The following MLLT3 variants were observed in gnomAD, a reference collection of about 807,000 sequenced individuals.
The protein encoded by MLLT3 is MLLT3 super elongation complex subunit, also known as protein AF-9.
MLLT3 carries 4 observed loss-of-function variants against 53.2 expected under a neutral mutation model. That is an observed-to-expected ratio of 0.08 (90% CI 0.04 to 0.17). The LOEUF (loss-of-function observed/expected upper bound fraction) is 0.17. Ranked by LOEUF, MLLT3 falls within the 10% of genes least tolerant of loss-of-function variation. The pLI, the probability that MLLT3 is intolerant of heterozygous loss-of-function variation, is 1.00. For synonymous variants in MLLT3, 283 were observed against 230.6 expected (o/e 1.23, Z -2.06); for missense variants, 569 against 684.0 (o/e 0.83, Z 1.87).
chr9:20,353,388 C>T, intron 10 of MLLT3, 137 bp downstream of exon 10: 1 of 733,522 alleles, frequency 1.4e-6, no homozygotes, highest in Non-Finnish European at 2.4e-6. Context: ...GAACCTTTCC[C>T]AAATACATCT....
intron 2 of MLLT3, among the ~76,000 whole-genome samples, chr9:20,476,056 G>GT (rs200799299): frequency 1.9e-3 from 285 of 151,582 alleles, no homozygotes; most frequent in Non-Finnish European, 3.4e-3. Flanking sequence ...TTAATGCGCT[G>GT]TTTTTTTTGT....
chr9:20,584,339 TC>T (rs1426154274), intron 2 of MLLT3, among the ~76,000 whole-genome samples: 3 of 152,200 alleles, frequency 2.0e-5, no homozygotes, highest in Admixed American at 2.0e-4. Context: ...TTTCCTATCT[TC>T]TTCTGAGCTC....
chr9:20,378,413 C>T (rs934231669), intron 5 of MLLT3, among the ~76,000 whole-genome samples: 25 of 152,110 alleles, frequency 1.6e-4, no homozygotes, highest in African/African-American at 5.3e-4. Context: ...AGATTTTTGT[C>T]ATTTTACAGT....
intron 2 of MLLT3, among the ~76,000 whole-genome samples, chr9:20,491,294 T>C (rs751083403): frequency 2.6e-5 from 4 of 152,090 alleles, no homozygotes; most frequent in Non-Finnish European, 5.9e-5. Flanking sequence ...TATGGTATTA[T>C]ATGAAGAAAA....
chr9:20,576,340 T>C (rs538222615), intron 2 of MLLT3, among the ~76,000 whole-genome samples: 15 of 152,324 alleles, frequency 9.8e-5, no homozygotes, highest in Admixed American at 2.0e-4. Context: ...ATGTGTTCAT[T>C]GGAGTAGCTC....
intron 5 of MLLT3, among the ~76,000 whole-genome samples, chr9:20,378,415 T>C (rs1345719306): frequency 2.0e-5 from 3 of 152,064 alleles, no homozygotes; most frequent in Admixed American, 1.3e-4. Flanking sequence ...ATTTTTGTCA[T>C]TTTACAGTAT....
At chr9:20,507,706 C>G (rs1825416239) in intron 2 of MLLT3, among the ~76,000 whole-genome samples, 1 of 123,510 alleles carries the variant, frequency 8.1e-6, no homozygotes, top group South Asian at 2.7e-4. Flanking sequence ...GAAAATTAAC[C>G]AATCACAAAA....
Position 20,384,591 on chromosome 9 carries a change from A to G in MLLT3, c.1126-18847T>C, listed in dbSNP as rs149301494. On this transcript the variant is annotated intron_variant, in intron 5 of 10. Coordinates refer to ENST00000380338, the MANE Select transcript of MLLT3 (RefSeq NM_004529.4). ...TCATTAAAATTTAATATAATCTAAC[A>G]CAATTATCATCAATGGGATGCAGGT... Among the ~76,000 whole-genome samples, 309 of 152,174 alleles carry G rather than the reference A, an allele frequency of 2.0e-3. 1 individual carries two copies. Among genetic ancestry groups the G allele is most frequent in the Non-Finnish European group, 3.5e-3 (237 of 67,958 alleles).
chr9:20,589,080 A>G (rs1820056020), intron 2 of MLLT3, among the ~76,000 whole-genome samples: 1 of 150,754 alleles, frequency 6.6e-6, no homozygotes, highest in African/African-American at 2.4e-5. Context: ...CCATCCCATT[A>G]CTGGGTATAT....
chr9:20,579,562 T>TG (rs1819737693), intron 2 of MLLT3, among the ~76,000 whole-genome samples: 2 of 152,158 alleles, frequency 1.3e-5, no homozygotes, highest in South Asian at 4.1e-4. Flanking sequence ...TTCACAATTC[T>TG]GACGCATGAA....
chr9:20,422,325 A>C (rs1823030027), intron 4 of MLLT3, among the ~76,000 whole-genome samples: 1 of 152,242 alleles, frequency 6.6e-6, no homozygotes, highest in African/African-American at 2.4e-5. Flanking sequence ...TCAACCAGAA[A>C]GTTAGAGGGA....
intron 2 of MLLT3, among the ~76,000 whole-genome samples, chr9:20,514,304 A>G (rs1817843638): frequency 6.6e-6 from 1 of 152,102 alleles, no homozygotes; most frequent in African/African-American, 2.4e-5. Flanking sequence ...AAGGAATCAC[A>G]GGGGCAAAGT....
chr9:20,360,677 T>A, intron 8 of MLLT3, 65 bp downstream of exon 8: 1 of 1,342,132 alleles, frequency 7.5e-7, no homozygotes, highest in Non-Finnish European at 1.1e-6. Context: ...AAGTTTTGCA[T>A]GCTTTGTAAA....
intron 2 of MLLT3, among the ~76,000 whole-genome samples, chr9:20,606,324 G>A (rs1356297142): frequency 6.6e-6 from 1 of 151,840 alleles, no homozygotes; most frequent in Admixed American, 6.6e-5. Context: ...TGCAGGAGGT[G>A]GGGGAGGGGT....
chr9:20,553,861 T>C (rs1818989530), intron 2 of MLLT3, among the ~76,000 whole-genome samples: 1 of 151,066 alleles, frequency 6.6e-6, no homozygotes, highest in Admixed American at 6.6e-5. Context: ...TTCACAAAAA[T>C]AGACAATCAC....
At chr9:20,358,884 C>T (rs1372263144) in intron 8 of MLLT3, among the ~76,000 whole-genome samples, 3 of 151,966 alleles carry the variant, frequency 2.0e-5, no homozygotes, top group South Asian at 4.2e-4. Flanking sequence ...CGGCTGGGAG[C>T]GGTGGCTCAT....
intron 5 of MLLT3, among the ~76,000 whole-genome samples, chr9:20,397,060 TC>T (rs1822338572): frequency 6.6e-6 from 1 of 152,180 alleles, no homozygotes; most frequent in African/African-American, 2.4e-5. Flanking sequence ...GAAAAATCTT[TC>T]TTAGATAAAT....
At chr9:20,545,703 A>G (rs1054813295) in intron 2 of MLLT3, among the ~76,000 whole-genome samples, 3 of 152,146 alleles carry the variant, frequency 2.0e-5, no homozygotes, top group African/African-American at 4.8e-5. Context: ...CAGCAAATCT[A>G]TTTGTTAAAC....
At chr9:20,349,530 A>T (rs1355173804) in intron 10 of MLLT3, among the ~76,000 whole-genome samples, 1 of 147,508 alleles carries the variant, frequency 6.8e-6, no homozygotes, top group Non-Finnish European at 1.5e-5. Context: ...GGCCGGCTTG[A>T]ATTAAAAAAA....
Sources: gnomAD v4.1 joint callset for allele counts (sites outside exome capture counted in the v4.1 genomes callset) on GRCh38, gnomAD v4.1.1 for gene constraint, MANE v1.5 for transcripts, NCBI Gene and HGNC (gene_info 2026-07-23, HGNC 2026-07-21) for gene names.